The following SLC25A36 variants were observed in gnomAD, a reference collection of about 807,000 sequenced individuals.
The protein encoded by SLC25A36 is solute carrier family 25 member 36, also known as epididymis secretory sperm binding protein.
SLC25A36 carries 24 observed loss-of-function variants against 35.3 expected under a neutral mutation model. That is an observed-to-expected ratio of 0.68 (90% CI 0.49 to 0.96). The LOEUF is 0.96. SLC25A36 is among the 40% of genes least tolerant of loss of function. SLC25A36 has a pLI of 0.00. For synonymous variants in SLC25A36, 141 were observed against 132.2 expected, an observed-to-expected ratio of 1.07 and a Z score of -0.46; for missense variants, 294 against 381.1, an observed-to-expected ratio of 0.77 and a Z score of 1.90.
intron 2 of SLC25A36, chr3:140,957,159 A>G (rs1934501025): frequency 6.6e-6 from 1 of 152,328 alleles, no homozygotes; most frequent in African/African-American, 2.4e-5. Context: ...ATGGTTTGGA[A>G]AAGATTTGTT....
intron 1 of SLC25A36, among the ~76,000 whole-genome samples, chr3:140,943,513 T>TA (rs1376368739): frequency 1.3e-5 from 2 of 152,230 alleles, no homozygotes; most frequent in Admixed American, 1.3e-4. Flanking sequence ...TAAATCTTTT[T>TA]AAAAAAATTC....
chr3:140,980,375 T>G lies in SLC25A36; in HGVS notation c.*3922T>G, dbSNP rs1401351524. 1.3e-5 allele frequency among the ~76,000 whole-genome samples: 2 copies of G among 151,992 alleles called. No homozygotes were observed. The highest frequency in any genetic ancestry group is 1.3e-4 in the Admixed American group (2 of 15,234). ...CCTCTTTACATTTTGTCTATTTTAT[T>G]TAAGTTTTTCTGTATTGTAGTTAAC... On this transcript the variant is annotated 3_prime_UTR_variant, in exon 7 of 7. Coordinates refer to ENST00000324194, the MANE Select transcript of SLC25A36 (RefSeq NM_001104647.3).
rs1935147484 is a variant in SLC25A36 at position 140,979,981 on chromosome 3, T to G, written c.*3528T>G. On this transcript the variant is annotated 3_prime_UTR_variant, in exon 7 of 7. Transcript: ENST00000324194. Reference sequence around the variant, plus strand: ...ATATATCAACATTTTATTGAGAACATAATCACACTTTTTTGGATTATCCTA... The same window carrying G: ...ATATATCAACATTTTATTGAGAACAGAATCACACTTTTTTGGATTATCCTA... 1 of 152,228 alleles carries G rather than the reference T, an allele frequency of 6.6e-6. No individual in the cohort carries two copies. Among genetic ancestry groups the G allele is most frequent in the Admixed American group, 6.5e-5 (1 of 15,286 alleles). 9.4% of individuals were successfully genotyped at this position (152,228 alleles called of 1,614,324 possible). A position where few individuals can be genotyped will look rare whatever the true frequency, so the allele number is the denominator to read the frequency against.
rs1348730481 is a variant in SLC25A36, at chr3:140,979,219, T to C, written c.*2766T>C. 6.6e-6 allele frequency: 1 copy of C among 152,210 alleles called. No homozygotes were observed. The highest frequency in any genetic ancestry group is 1.5e-5 in the Non-Finnish European group (1 of 68,018). The allele number at this position is 152,210 out of a possible 1,614,324, so 9.4% of individuals were successfully genotyped here. A position where few individuals can be genotyped will look rare whatever the true frequency, so the allele number is the denominator to read the frequency against. ...GAATATCATTAGATTATCTGTGAGA[T>C]AGCATTACTATGTTAGGACCAGCAG... On this transcript the variant is annotated 3_prime_UTR_variant, in exon 7 of 7. Coordinates refer to ENST00000324194, the MANE Select transcript of SLC25A36 (RefSeq NM_001104647.3).
rs749943522 is a variant in SLC25A36 at position 140,976,319 on chromosome 3, C to T, written c.802C>T (p.Leu268=). ...GTKYRSFFQT[L]SLLVQEEGYG... ...AAAATACAGATCTTTTTTTCAGACT[C>T]TATCTTTGCTTGTTCAAGAAGAAGG... The change falls in exon 7 of 7, where the codon CTA becomes TTA. Residue 268 remains leucine, a synonymous_variant. Coordinates refer to ENST00000324194, the MANE Select transcript of SLC25A36 (RefSeq NM_001104647.3). 7 of 1,612,936 alleles carry T rather than the reference C, an allele frequency of 4.3e-6. No homozygotes were observed. In the South Asian group the frequency reaches 7.7e-5, roughly 18 times the overall value.
In SLC25A36 at chr3:140,977,089, T is replaced by C. The variant is rs994072921; in HGVS notation, c.*636T>C. 6.6e-6 allele frequency: 1 copy of C among 152,176 alleles called. No homozygotes were observed. The highest frequency in any genetic ancestry group is 1.5e-5 in the Non-Finnish European group (1 of 68,026). 9.4% of individuals were successfully genotyped at this position (152,176 alleles called of 1,614,324 possible). ...AATGTGGATATTTAAATTGTTAACA[T>C]ACCAAACACACATGGTAATAGTTTG... On this transcript the variant is annotated 3_prime_UTR_variant, in exon 7 of 7. Coordinates refer to ENST00000324194, the MANE Select transcript of SLC25A36 (RefSeq NM_001104647.3).
intron 1 of SLC25A36, among the ~76,000 whole-genome samples, chr3:140,951,075 T>A (rs550896698): frequency 1.3e-5 from 2 of 152,306 alleles, no homozygotes; most frequent in South Asian, 4.1e-4. Context: ...CTAGGGATTC[T>A]GCAGGGAAAA....
intron 6 of SLC25A36, 42 bp downstream of exon 6, chr3:140,974,047 C>T (rs1321212889): frequency 7.5e-7 from 1 of 1,335,882 alleles, no homozygotes; most frequent in Non-Finnish European, 1.0e-6. Flanking sequence ...TTTTCCCACC[C>T]CAGCCAACAG....
intron 6 of SLC25A36, among the ~76,000 whole-genome samples, chr3:140,975,328 A>C (rs980266514): frequency 6.6e-6 from 1 of 151,722 alleles, no homozygotes; most frequent in African/African-American, 2.4e-5. Flanking sequence ...GGCTGGTCTC[A>C]AACTCTGGGC....
At chr3:140,967,388 C>T (rs1421535536) in intron 4 of SLC25A36, among the ~76,000 whole-genome samples, 2 of 151,866 alleles carry the variant, frequency 1.3e-5, no homozygotes, top group Non-Finnish European at 2.9e-5. Context: ...AAGCCTAATA[C>T]AATGCTTTCC....
chr3:140,970,229 A>T (rs925460036), intron 4 of SLC25A36: 5 of 151,968 alleles, frequency 3.3e-5, no homozygotes, highest in African/African-American at 4.8e-5. Context: ...GCTGTCTTCT[A>T]CCCTGAGTTT....
Position 140,963,245 on chromosome 3 carries a change from TAAAAA to T in SLC25A36, c.385+28_385+32del. On this transcript the variant is annotated intron_variant, in intron 4 of 6. Coordinates refer to ENST00000324194, the MANE Select transcript of SLC25A36 (RefSeq NM_001104647.3). ...AATGGCAGGTATGAATGTATAATAT[TAAAAA>T]AAAAAAAAACTTTCTGAAACCTAGA... 8.5e-7 allele frequency: 1 copy of T among 1,176,356 alleles called. No homozygotes were observed. The highest frequency in any genetic ancestry group is 1.2e-6 in the Non-Finnish European group (1 of 861,854). 72.9% of individuals were successfully genotyped at this position (1,176,356 alleles called of 1,614,324 possible).
At position 140,980,745 on chromosome 3, in the gene SLC25A36, T is replaced by C. The variant is rs1935162389; in HGVS notation, c.*4292T>C. Among the ~76,000 whole-genome samples, 2 of 116,742 alleles carry C rather than the reference T, an allele frequency of 1.7e-5. No homozygotes were observed. Among genetic ancestry groups the C allele is most frequent in the Admixed American group, 1.3e-4 (1 of 7,928 alleles). 76.6% of individuals were successfully genotyped at this position (116,742 alleles called of 152,430 possible). On this transcript the variant is annotated 3_prime_UTR_variant, in exon 7 of 7. Transcript: ENST00000324194. ...CACGGAGCTTCACTCTTGTCACCCA[T>C]GCTGGAGTGCAATGACATGATCTCA...
Position 140,945,480 on chromosome 3 carries a change from T to C in SLC25A36, c.41+3385T>C, listed in dbSNP as rs771860554. On this transcript the variant is annotated intron_variant, in intron 1 of 6. Transcript: ENST00000324194. ...TCATTTTTCTATAAATGAATTACTG[T>C]AGCACAGCAGCTACCATTTTTCTGC... is the stretch of plus-strand genomic sequence containing the variant. 3.2e-4 allele frequency among the ~76,000 whole-genome samples: 49 copies of C among 152,230 alleles called. 1 individual carries two copies. The highest frequency in any genetic ancestry group is 1.8e-4 in the Non-Finnish European group (12 of 68,032).
At position 140,976,487 on chromosome 3, in the gene SLC25A36, G is replaced by T; in HGVS notation, c.*34G>T. On this transcript the variant is annotated 3_prime_UTR_variant, in exon 7 of 7. Coordinates refer to ENST00000324194, the MANE Select transcript of SLC25A36 (RefSeq NM_001104647.3). ...GGACTGCTGTACTGCAAAAAAAGAAGACCAAAAGATTACAGTGGACCATGG... is the reference window on the plus strand; with the variant it reads ...GGACTGCTGTACTGCAAAAAAAGAATACCAAAAGATTACAGTGGACCATGG... The T allele has an allele frequency of 1.3e-6, 2 of 1,554,366 alleles. No homozygotes were observed. Among genetic ancestry groups the T allele is most frequent in the South Asian group, 2.4e-5 (2 of 82,000 alleles).
chr3:140,947,159 C>CTTCA (rs1934188483), intron 1 of SLC25A36, among the ~76,000 whole-genome samples: 1 of 152,180 alleles, frequency 6.6e-6, no homozygotes, highest in Non-Finnish European at 1.5e-5. Flanking sequence ...TTTAAGATGT[C>CTTCA]TGAAAGCTGT....
At chr3:140,966,658 G>T (rs966256402) in intron 4 of SLC25A36, 11 of 331,182 alleles carry the variant, frequency 3.3e-5, no homozygotes, top group Non-Finnish European at 6.0e-6. Context: ...TTTTGACAAG[G>T]TTAGCATTTT....
At chr3:140,955,711 G>C (rs1272901431) in intron 1 of SLC25A36, among the ~76,000 whole-genome samples, 1 of 151,178 alleles carries the variant, frequency 6.6e-6, no homozygotes, top group African/African-American at 2.4e-5. Context: ...TTTCTTTTTT[G>C]AGACAGGGTC....
At chr3:140,956,478 C>T (rs1358993417) in intron 1 of SLC25A36, 49 bp from the exon 2 acceptor site, 3 of 1,482,748 alleles carry the variant, frequency 2.0e-6, no homozygotes, top group South Asian at 1.5e-5. Context: ...TATATACTAA[C>T]TTATGAATTA....
Sources: allele counts gnomAD v4.1 joint callset (sites outside exome capture counted in the v4.1 genomes callset), GRCh38; gene constraint gnomAD v4.1.1; transcripts MANE v1.5; gene names NCBI Gene and HGNC (gene_info 2026-07-23, HGNC 2026-07-21).